Variants in KCNE3 observed in about 807,000 individuals in gnomAD.
The protein encoded by KCNE3 is potassium voltage-gated channel subfamily E member 3.
Under a neutral mutation model 4.3 loss-of-function variants are expected in KCNE3, and 2 were observed. The ratio of observed to expected loss-of-function variants is 0.47; its 90% CI spans 0.19 to 1.48. The LOEUF (loss-of-function observed/expected upper bound fraction) is 1.48, where lower values mean the gene tolerates loss of function less well. Among genes scored for constraint, KCNE3 ranks in the 40% most tolerant of loss-of-function variants. KCNE3 has a pLI of 0.25. For missense variants in KCNE3, 128 were observed against 136.8 expected (o/e 0.94, Z 0.32); for synonymous variants, 47 against 52.0 (o/e 0.90, Z 0.41).
chr11:74,458,604 G>A (rs895494186), intron 2 of KCNE3, among the ~76,000 whole-genome samples: 14 of 152,254 alleles, frequency 9.2e-5, no homozygotes, highest in East Asian at 5.8e-4. Context: ...AGGCTGAGGC[G>A]GGTGGGATCA....
chr11:74,463,295 G>A (rs41312931), intron 1 of KCNE3, among the ~76,000 whole-genome samples: 2 of 152,244 alleles, frequency 1.3e-5, no homozygotes, highest in East Asian at 3.9e-4. Context: ...TTGTGCTTCT[G>A]ACAGGAGGAG....
In KCNE3 at chr11:74,457,247, TC is replaced by T. The variant is rs1458292436; in HGVS notation, c.*4del. 2 of 1,613,280 alleles carry T rather than the reference TC, an allele frequency of 1.2e-6. No individual in the cohort carries two copies. The highest frequency in any genetic ancestry group is 1.7e-6 in the Non-Finnish European group (2 of 1,179,840). On this transcript the variant is annotated 3_prime_UTR_variant, in exon 3 of 3. Coordinates refer to ENST00000310128, the MANE Select transcript of KCNE3 (RefSeq NM_005472.5). ...TTGGTCTTCCACCGTCCCAGCCCTC[TC>T]GTGTTAGATCATAGACACACGGTTC...
intron 2 of KCNE3, among the ~76,000 whole-genome samples, chr11:74,460,288 T>A (rs954122004): frequency 4.6e-5 from 7 of 152,192 alleles, no homozygotes; most frequent in Admixed American, 4.6e-4. Context: ...GGCTGCTGCT[T>A]CCCTCGTGTG....
At chr11:74,461,185 T>C (rs2135012938) in intron 2 of KCNE3, among the ~76,000 whole-genome samples, 1 of 152,264 alleles carries the variant, frequency 6.6e-6, no homozygotes, top group Non-Finnish European at 1.5e-5. Flanking sequence ...AGAGTTTCAA[T>C]TTTACAAGAT....
chr11:74,459,354 T>C (rs955116023), intron 2 of KCNE3, among the ~76,000 whole-genome samples: 19 of 145,022 alleles, frequency 1.3e-4, no homozygotes, highest in South Asian at 4.5e-4. Context: ...TTCCGCCTCC[T>C]GGGTTCACGC....
intron 2 of KCNE3, among the ~76,000 whole-genome samples, chr11:74,461,452 G>C (rs1863952195): frequency 6.6e-6 from 1 of 151,862 alleles, no homozygotes; most frequent in Non-Finnish European, 1.5e-5. Flanking sequence ...CCAACGTGGA[G>C]AAACCCCGTC....
At chr11:74,463,952 C>T (rs1227780657) in intron 1 of KCNE3, among the ~76,000 whole-genome samples, 1 of 152,176 alleles carries the variant, frequency 6.6e-6, no homozygotes, top group East Asian at 1.9e-4. Flanking sequence ...CAGATTCTCG[C>T]CAATCTTAGT....
chr11:74,458,032 T>G (rs189200429), intron 2 of KCNE3, among the ~76,000 whole-genome samples: 2 of 152,362 alleles, frequency 1.3e-5, no homozygotes, highest in African/African-American at 4.8e-5. Flanking sequence ...CTCAGGTATT[T>G]CTTCATGGCA....
At chr11:74,461,325 T>TGTGTGTG in intron 2 of KCNE3, among the ~76,000 whole-genome samples, 1 of 145,512 alleles carries the variant, frequency 6.9e-6, no homozygotes, top group African/African-American at 2.5e-5. Context: ...TGTGTGTGTG[T>TGTGTGTG]TTTAAGCACA....
At position 74,457,143 on chromosome 11, in the gene KCNE3, A is replaced by C; in HGVS notation, c.*109T>G. 9.2e-7 allele frequency: 1 copy of C among 1,084,902 alleles called. No individual in the cohort carries two copies. Among genetic ancestry groups the C allele is most frequent in the Non-Finnish European group, 1.4e-6 (1 of 723,112 alleles). The allele number at this position is 1,084,902 out of a possible 1,614,324, so 67.2% of individuals were successfully genotyped here. A position where few individuals can be genotyped will look rare whatever the true frequency, so the allele number is the denominator to read the frequency against. ...CCTCCCTTAACCGTGTTTCTTGTTG[A>C]TCTTACAGATAGGGACACTGAGACC... is the stretch of plus-strand genomic sequence containing the variant. On this transcript the variant is annotated 3_prime_UTR_variant, in exon 3 of 3. Coordinates refer to ENST00000310128, the MANE Select transcript of KCNE3 (RefSeq NM_005472.5).
chr11:74,457,172 T>G lies in KCNE3; in HGVS notation c.*80A>C. The G allele has an allele frequency of 9.9e-6, 13 of 1,318,488 alleles. No individual in the cohort carries two copies. The highest frequency in any genetic ancestry group is 1.4e-5 in the Non-Finnish European group (13 of 930,568). 81.7% of individuals were successfully genotyped at this position (1,318,488 alleles called of 1,614,324 possible). On this transcript the variant is annotated 3_prime_UTR_variant, in exon 3 of 3. Coordinates refer to ENST00000310128, the MANE Select transcript of KCNE3 (RefSeq NM_005472.5). Reference sequence around the variant, plus strand: ...TACAGATAGGGACACTGAGACCTGATGCAGTCCACAGCAGAGTTCTGGAGG... The same window carrying G: ...TACAGATAGGGACACTGAGACCTGAGGCAGTCCACAGCAGAGTTCTGGAGG...
At position 74,465,161 on chromosome 11, in the gene KCNE3, C is replaced by T. The variant is rs575049119; in HGVS notation, c.-190+2237G>A. Reference sequence around the variant, plus strand: ...GTGTATGTGTATGTGTGTAACTGTGCGCTTTAAGGTAAGAGGGCAGGGTCC... The same window carrying T: ...GTGTATGTGTATGTGTGTAACTGTGTGCTTTAAGGTAAGAGGGCAGGGTCC... On this transcript the variant is annotated intron_variant, in intron 1 of 2. Transcript: ENST00000310128. 3.4e-4 allele frequency among the ~76,000 whole-genome samples: 51 copies of T among 151,750 alleles called. 1 individual carries two copies. Among genetic ancestry groups the T allele is most frequent in the African/African-American group, 1.2e-3 (48 of 41,360 alleles).
Position 74,457,255 on chromosome 11 carries a change from G to A in KCNE3, c.309C>T (p.Ile103=). The A allele has an allele frequency of 1.9e-6, 3 of 1,613,750 alleles. No homozygotes were observed. Among genetic ancestry groups the A allele is most frequent in the Middle Eastern group, 3.3e-4 (2 of 6,062 alleles). The change falls in exon 3 of 3, where the codon ATC becomes ATT. Residue 103 remains isoleucine, a synonymous_variant. Coordinates refer to ENST00000310128, the MANE Select transcript of KCNE3 (RefSeq NM_005472.5). ...HVYIKNRVSM[I] ...CCACCGTCCCAGCCCTCTCGTGTTA[G>A]ATCATAGACACACGGTTCTTGATAT... is the stretch of plus-strand genomic sequence containing the variant.
rs1011869243 is a variant in KCNE3 at position 74,455,958 on chromosome 11, C to A, written c.*1294G>T. On this transcript the variant is annotated 3_prime_UTR_variant, in exon 3 of 3. Transcript: ENST00000310128. ...GGCCAGGCTGGTCTCGAACTCCTGACCTCAGGTGATCCGCCCACCTTGGCA... is the reference window on the plus strand; with the variant it reads ...GGCCAGGCTGGTCTCGAACTCCTGAACTCAGGTGATCCGCCCACCTTGGCA... The A allele has an allele frequency of 2.0e-5, 3 of 151,354 alleles. No homozygotes were observed. Among genetic ancestry groups the A allele is most frequent in the Non-Finnish European group, 4.4e-5 (3 of 67,804 alleles). 9.4% of individuals were successfully genotyped at this position (151,354 alleles called of 1,614,324 possible).
chr11:74,458,888 G>T (rs1409777795), intron 2 of KCNE3, among the ~76,000 whole-genome samples: 1 of 151,960 alleles, frequency 6.6e-6, no homozygotes, highest in Non-Finnish European at 1.5e-5. Flanking sequence ...ACCTGGGGAT[G>T]GTTTAAATTT....
At chr11:74,463,458 C>G (rs1403461757) in intron 1 of KCNE3, among the ~76,000 whole-genome samples, 1 of 152,074 alleles carries the variant, frequency 6.6e-6, no homozygotes, top group Admixed American at 6.6e-5. Context: ...CTCTGGGGCT[C>G]AAGCTGGGGA....
At chr11:74,460,130 C>T (rs3867280) in intron 2 of KCNE3, among the ~76,000 whole-genome samples, 45,008 of 152,114 alleles carry the variant, frequency 0.3, 6,858 homozygotes, top group Admixed American at 0.36. Flanking sequence ...GGCAGCATTT[C>T]ATGCAAGGCC....
At position 74,457,406 on chromosome 11, in the gene KCNE3, C is replaced by A. The variant is rs565287436; in HGVS notation, c.158G>T (p.Arg53Leu). The change falls in exon 3 of 3, where the codon CGT becomes CTT. Residue 53 changes from arginine (R) to leucine (L), a missense_variant. Arg to Leu is a moderately radical substitution (Grantham distance 102, BLOSUM62 -2). Transcript: ENST00000310128. ...TEERRASLPG[R>L]DDNSYMYILF... is the part of the protein sequence containing the mutation. Reference sequence around the variant, plus strand: ...AATGTACATGTAGGAGTTGTCATCACGGCCAGGTAGGCTGGCCCGCCTCTC... The same window carrying A: ...AATGTACATGTAGGAGTTGTCATCAAGGCCAGGTAGGCTGGCCCGCCTCTC... The A allele has an allele frequency of 6.2e-7, 1 of 1,613,820 alleles. No individual in the cohort carries two copies. Among genetic ancestry groups the A allele is most frequent in the Admixed American group, 1.7e-5 (1 of 60,020 alleles).
chr11:74,457,116 G>A lies in KCNE3; in HGVS notation c.*136C>T, dbSNP rs565248379. 42 of 874,096 alleles carry A rather than the reference G, an allele frequency of 4.8e-5. No individual in the cohort carries two copies. The African/African-American group carries it at 5.2e-4, about 11-fold the overall frequency. The allele number at this position is 874,096 out of a possible 1,614,324, so 54.1% of individuals were successfully genotyped here. A position where few individuals can be genotyped will look rare whatever the true frequency, so the allele number is the denominator to read the frequency against. On this transcript the variant is annotated 3_prime_UTR_variant, in exon 3 of 3. Coordinates refer to ENST00000310128, the MANE Select transcript of KCNE3 (RefSeq NM_005472.5). ...GCCCCTCTTCTCCCACCCCAGTGAC[G>A]ACCTCCCTTAACCGTGTTTCTTGTT...
Sources: gnomAD v4.1 joint callset for allele counts (sites outside exome capture counted in the v4.1 genomes callset) on GRCh38, gnomAD v4.1.1 for gene constraint, MANE v1.5 for transcripts, NCBI Gene and HGNC (gene_info 2026-07-23, HGNC 2026-07-21) for gene names.